THSD7A: variants seen among roughly 807,000 people sequenced by gnomAD.
The protein encoded by THSD7A is thrombospondin type 1 domain containing 7A, also known as thrombospondin type-1 domain-containing protein 7A.
THSD7A carries 96 observed loss-of-function variants against 231.3 expected under a neutral mutation model. The ratio of observed to expected loss-of-function variants is 0.41; its 90% CI spans 0.35 to 0.49. The LOEUF (loss-of-function observed/expected upper bound fraction) is 0.49. THSD7A is among the 20% of genes least tolerant of loss of function. The probability of loss-of-function intolerance (pLI) is 0.05; values close to 1 mark genes in which losing one functional copy is unlikely to be tolerated. For missense variants in THSD7A, 2,290 were observed against 2,070.2 expected, an observed-to-expected ratio of 1.11 and a Z score of -2.06; for synonymous variants, 940 against 743.3, an observed-to-expected ratio of 1.26 and a Z score of -4.30.
chr7:11,815,302 G>A (rs10266229), intron 1 of THSD7A, among the ~76,000 whole-genome samples: 2,957 of 151,728 alleles, frequency 0.019, 103 homozygotes, highest in African/African-American at 0.068. Flanking sequence ...TGATGGACCT[G>A]CAGCAGGGTA....
intron 9 of THSD7A, 124 bp from the exon 10 acceptor site, chr7:11,462,267 C>T (rs1206742908): frequency 9.8e-7 from 1 of 1,016,564 alleles, no homozygotes; most frequent in East Asian, 2.6e-5. Context: ...TGAGAGGCTT[C>T]ACCTGGTCTA....
chr7:11,376,617 C>G lies in THSD7A; in HGVS notation c.4842G>C (p.Gly1614=). The G allele has an allele frequency of 6.3e-7, 1 of 1,588,628 alleles. No homozygotes were observed. Among genetic ancestry groups the G allele is most frequent in the Non-Finnish European group, 8.6e-7 (1 of 1,166,710 alleles). Residue 1614 remains glycine, a synonymous_variant, in exon 27 of 28, where the codon GGG becomes GGC. Coordinates refer to ENST00000423059, the MANE Select transcript of THSD7A (RefSeq NM_015204.3). ...CAATAAAGATGAGTAACACAAATGC[C>G]CCAGCTGCTACACCGTAAACCCAGG... ...LKTWVYGVAA[G]AFVLLIFIVS... is the part of the protein sequence containing the mutation.
chr7:11,621,313 C>A (rs568146329), intron 2 of THSD7A, among the ~76,000 whole-genome samples: 1 of 152,216 alleles, frequency 6.6e-6, no homozygotes, highest in South Asian at 2.1e-4. Flanking sequence ...CACTGTATCC[C>A]AGTCACGACA....
At chr7:11,826,870 A>C (rs1030836238) in intron 1 of THSD7A, among the ~76,000 whole-genome samples, 37 of 151,606 alleles carry the variant, frequency 2.4e-4, no homozygotes, top group African/African-American at 8.7e-4. Context: ...AACATTAGTT[A>C]TTCATCTTTC....
chr7:11,798,185 A>G (rs1349539606), intron 1 of THSD7A, among the ~76,000 whole-genome samples: 5 of 152,088 alleles, frequency 3.3e-5, no homozygotes, highest in East Asian at 1.9e-4. Flanking sequence ...TCATACATTT[A>G]TCTGGTACTT....
At chr7:11,609,827 A>C (rs977631704) in intron 2 of THSD7A, among the ~76,000 whole-genome samples, 1 of 152,046 alleles carries the variant, frequency 6.6e-6, no homozygotes, top group Non-Finnish European at 1.5e-5. Flanking sequence ...TATGCTGCTA[A>C]AATCATTTTT....
In THSD7A at chr7:11,604,276, G is replaced by A. The variant is rs906093622; in HGVS notation, c.1023-10774C>T. Among the ~76,000 whole-genome samples, 22 of 152,170 alleles carry A rather than the reference G, an allele frequency of 1.4e-4. No individual in the cohort carries two copies. The East Asian group carries it at 1.7e-3, about 12-fold the overall frequency. On this transcript the variant is annotated intron_variant, in intron 2 of 27. Transcript: ENST00000423059. Reference sequence around the variant, plus strand: ...AGAGTTTTCCCAAGGTCTTGCTTACGAAGCACTCAAACTGAGTGAGGTATT... The same window carrying A: ...AGAGTTTTCCCAAGGTCTTGCTTACAAAGCACTCAAACTGAGTGAGGTATT...
chr7:11,611,221 G>A (rs1050533835), intron 2 of THSD7A, among the ~76,000 whole-genome samples: 2 of 151,916 alleles, frequency 1.3e-5, no homozygotes, highest in Admixed American at 6.6e-5. Flanking sequence ...AATATTTAAT[G>A]TGCAATAAAA....
In THSD7A at chr7:11,636,594, A is replaced by G. The variant is rs1427508402; in HGVS notation, c.558T>C (p.Ala186=). The change falls in exon 2 of 28, where the codon GCT becomes GCC. Residue 186 remains alanine (A), a synonymous_variant. Transcript: ENST00000423059. This position sits in a 1 kb window ranked among gnomAD's most constrained non-coding sequence, Gnocchi z 10.0. ...YFEPKPLLEQ[A]CLIPCQQDCI... ...AATCTTGCTGGCAAGGAATGAGGCA[A>G]GCCTGCTCCAGGAGAGGCTTGGGCT... The G allele has an allele frequency of 6.2e-7, 1 of 1,613,910 alleles. No individual in the cohort carries two copies. The highest frequency in any genetic ancestry group is 1.3e-5 in the African/African-American group (1 of 74,944).
At chr7:11,725,892 T>A (rs191656072) in intron 1 of THSD7A, among the ~76,000 whole-genome samples, 1 of 152,110 alleles carries the variant, frequency 6.6e-6, no homozygotes, top group East Asian at 2.0e-4. Flanking sequence ...TAATAACTAA[T>A]ATTGTTGCAA....
chr7:11,539,808 T>G (rs778345359), intron 6 of THSD7A, among the ~76,000 whole-genome samples: 8 of 152,222 alleles, frequency 5.3e-5, no homozygotes, highest in Admixed American at 5.2e-4. Context: ...AGAAGTGCCA[T>G]GCAAAGTTAA....
intron 6 of THSD7A, among the ~76,000 whole-genome samples, chr7:11,492,614 G>A (rs948771578): frequency 1.3e-5 from 2 of 151,934 alleles, no homozygotes; most frequent in African/African-American, 2.4e-5. Context: ...AGATGGCACA[G>A]TTCATAAAGG....
At chr7:11,796,150 C>T (rs1028083778) in intron 1 of THSD7A, among the ~76,000 whole-genome samples, 15 of 146,964 alleles carry the variant, frequency 1.0e-4, no homozygotes, top group African/African-American at 3.0e-4. Flanking sequence ...TAATCTTCAT[C>T]GTCTCGTGTG....
Position 11,379,222 on chromosome 7 carries a change from A to C in THSD7A, c.4649T>G (p.Leu1550Arg). ...YTEVMSSNST[L>R]EQCTLIPVVV... ...CACGGGGATAAGTGTGCATTGCTCA[A>C]GGGTGCTGTTAGAAGACATGACTTC... is the stretch of plus-strand genomic sequence containing the variant. The change falls in exon 26 of 28, where the codon CTT becomes CGT. Residue 1550 changes from leucine to arginine, a missense_variant. By Grantham distance (102) the Leu-to-Arg change is moderately radical. Coordinates refer to ENST00000423059, the MANE Select transcript of THSD7A (RefSeq NM_015204.3). The C allele has an allele frequency of 6.2e-7, 1 of 1,613,674 alleles. No homozygotes were observed.
intron 1 of THSD7A, among the ~76,000 whole-genome samples, chr7:11,828,053 C>T (rs1007759063): frequency 7.2e-5 from 11 of 152,186 alleles, no homozygotes; most frequent in Admixed American, 5.2e-4. Context: ...TTCCCTTTGC[C>T]TCTCAGTCAA....
intron 1 of THSD7A, among the ~76,000 whole-genome samples, chr7:11,649,447 A>C (rs1782410188): frequency 6.6e-6 from 1 of 152,070 alleles, no homozygotes; most frequent in Non-Finnish European, 1.5e-5. Context: ...TTATGCAGCA[A>C]TAGATAACTG....
At chr7:11,476,970 T>A (rs973819581) in intron 7 of THSD7A, among the ~76,000 whole-genome samples, 1 of 152,152 alleles carries the variant, frequency 6.6e-6, no homozygotes, top group African/African-American at 2.4e-5. Flanking sequence ...GATGAAACGA[T>A]GTCCATCACC....
intron 1 of THSD7A, among the ~76,000 whole-genome samples, chr7:11,685,352 A>C (rs1780000427): frequency 1.3e-5 from 2 of 152,106 alleles, no homozygotes; most frequent in African/African-American, 2.4e-5. Context: ...AAGGAAATGC[A>C]GCAAAAACAC....
At position 11,721,090 on chromosome 7, in the gene THSD7A, T is replaced by C. The variant is rs186606623; in HGVS notation, c.191-84129A>G. 4.1e-4 allele frequency among the ~76,000 whole-genome samples: 62 copies of C among 152,004 alleles called. 1 individual carries two copies. The highest frequency in any genetic ancestry group is 3.5e-3 in the South Asian group (17 of 4,824). ...TCTCTAATTTGATTTGATTAATATATTAAACTGTTAGAAAACTCCACTTTC... is the reference window on the plus strand; with the variant it reads ...TCTCTAATTTGATTTGATTAATATACTAAACTGTTAGAAAACTCCACTTTC... On this transcript the variant is annotated intron_variant, in intron 1 of 27. Transcript: ENST00000423059.
Sources: gnomAD v4.1 joint callset for allele counts (sites outside exome capture counted in the v4.1 genomes callset) on GRCh38, gnomAD v4.1.1 for gene constraint, Gnocchi (gnomAD v3.1) non-coding constraint, MANE v1.5 for transcripts, NCBI Gene and HGNC (gene_info 2026-07-23, HGNC 2026-07-21) for gene names.